Variants in SPTBN2 observed in about 807,000 individuals in gnomAD.
The protein encoded by SPTBN2 is spectrin beta chain, non-erythrocytic 2.
In SPTBN2, 107 loss-of-function variants were observed where a neutral mutation model predicts 284.2. The observed-to-expected ratio is 0.38, with a 90% CI of 0.32 to 0.44. The LOEUF is 0.44. SPTBN2 is among the 20% of genes least tolerant of loss of function. The pLI is 1.00. For missense variants in SPTBN2, 2,569 were observed against 3,287.1 expected, an observed-to-expected ratio of 0.78 and a Z score of 5.34; for synonymous variants, 1,289 against 1,354.8, an observed-to-expected ratio of 0.95 and a Z score of 1.07.
In SPTBN2 at chr11:66,691,505, C is replaced by A. The variant is rs755038046; in HGVS notation, c.5344G>T (p.Ala1782Ser). Reference sequence around the variant, plus strand: ...AGCAGCTCAAGCAGGTCAGCCCAGGCCTCGTTGAGACTGTCCTTCCACTCG... The same window carrying A: ...AGCAGCTCAAGCAGGTCAGCCCAGGACTCGTTGAGACTGTCCTTCCACTCG... ...VAEWKDSLNE[A>S]WADLLELLDT... is the part of the protein sequence containing the mutation. The change falls in exon 27 of 38, where the codon GCC (alanine) becomes TCC (serine). Residue 1782 changes from alanine to serine, a missense_variant. Physicochemically the swap from Ala to Ser is moderately conservative, Grantham distance 99. Transcript: ENST00000533211. This position sits in a 1 kb window ranked among gnomAD's most constrained non-coding sequence, Gnocchi z 8.0. The A allele has an allele frequency of 1.2e-6, 2 of 1,612,414 alleles. No individual in the cohort carries two copies. The highest frequency in any genetic ancestry group is 1.3e-5 in the African/African-American group (1 of 75,082).
chr11:66,688,991 C>T (rs868027686), intron 30 of SPTBN2, 105 bp downstream of exon 30: 26 of 1,456,372 alleles, frequency 1.8e-5, no homozygotes, highest in Admixed American at 3.9e-5. Flanking sequence ...GATTGGGCAT[C>T]GTGAGTTTCA....
chr11:66,717,389 C>T (rs1368407397), intron 3 of SPTBN2, among the ~76,000 whole-genome samples: 1 of 152,132 alleles, frequency 6.6e-6, no homozygotes, highest in African/African-American at 2.4e-5. Flanking sequence ...GTCACTTTTG[C>T]TTCCGTCTCA....
intron 3 of SPTBN2, 120 bp downstream of exon 3, chr11:66,720,964 G>GC: frequency 7.4e-7 from 1 of 1,352,020 alleles, no homozygotes; most frequent in Middle Eastern, 1.8e-4. Context: ...TTGATAGAGT[G>GC]CTCTGGGTCT....
rs200029341 is a variant in SPTBN2, at chr11:66,715,408, G to A, written c.310-13C>T. The A allele has an allele frequency of 2.3e-5, 37 of 1,606,056 alleles. No homozygotes were observed. Among genetic ancestry groups the A allele is most frequent in the South Asian group, 4.4e-5 (4 of 90,412 alleles). ...TTGTAGGCTTTGGCTGTGGAGGGAC[G>A]GGGGCAAAATGGCACGGGACTGTGG... On this transcript the variant is annotated splice_polypyrimidine_tract_variant and intron_variant, in intron 4 of 37. Coordinates refer to ENST00000533211, the MANE Select transcript of SPTBN2 (RefSeq NM_006946.4). This position sits in a 1 kb window ranked among gnomAD's most constrained non-coding sequence, Gnocchi z 5.3.
chr11:66,713,942 C>T lies in SPTBN2; in HGVS notation c.656+149G>A, dbSNP rs1013727726. 6.5e-6 allele frequency: 6 copies of T among 921,126 alleles called. No homozygotes were observed. In the African/African-American group the frequency reaches 9.8e-5, roughly 15 times the overall value. 57.1% of individuals were successfully genotyped at this position (921,126 alleles called of 1,614,324 possible). On this transcript the variant is annotated intron_variant, in intron 7 of 37. Transcript: ENST00000533211. ...TCCCATCACAAGTGCTCTGCGCAGC[C>T]CTGCACCCCCATGTTCTGGTTCTGC...
At chr11:66,694,777 G>A (rs1940812180) in intron 21 of SPTBN2, among the ~76,000 whole-genome samples, 1 of 152,206 alleles carries the variant, frequency 6.6e-6, no homozygotes, top group Non-Finnish European at 1.5e-5. Context: ...TGAGACACTG[G>A]AACTGGCCCC....
intron 1 of SPTBN2, chr11:66,728,439 C>T (rs1942719356): frequency 6.6e-6 from 1 of 150,458 alleles, no homozygotes; most frequent in African/African-American, 2.4e-5. Flanking sequence ...CGCCGGCTCC[C>T]GCGGGAGGCC....
intron 3 of SPTBN2, 121 bp from the exon 4 acceptor site, chr11:66,716,102 A>T: frequency 7.6e-7 from 1 of 1,317,472 alleles, no homozygotes. Flanking sequence ...TCCTCTAAGG[A>T]GGAGGAAGGG....
chr11:66,724,105 G>T (rs1350980057), intron 1 of SPTBN2, among the ~76,000 whole-genome samples: 1 of 152,166 alleles, frequency 6.6e-6, no homozygotes, highest in Admixed American at 6.5e-5. Flanking sequence ...TGTTTTGCTG[G>T]GCCAATAAGC....
chr11:66,721,205 G>C lies in SPTBN2; in HGVS notation c.36C>G (p.Ser12Arg). Residue 12 changes from serine to arginine, a missense_variant, in exon 3 of 38, where the codon AGC becomes AGG. By Grantham distance (110) the Ser-to-Arg change is moderately radical. Coordinates refer to ENST00000533211, the MANE Select transcript of SPTBN2 (RefSeq NM_006946.4). ...SSTLSPTDFD[S>R]LEIQGQYSDI... Reference sequence around the variant, plus strand: ...CACTGTACTGGCCCTGGATTTCCAAGCTGTCAAAGTCTGTGGGTGACAGCG... The same window carrying C: ...CACTGTACTGGCCCTGGATTTCCAACCTGTCAAAGTCTGTGGGTGACAGCG... The C allele has an allele frequency of 6.2e-7, 1 of 1,614,166 alleles. No individual in the cohort carries two copies. Among genetic ancestry groups the C allele is most frequent in the Non-Finnish European group, 8.5e-7 (1 of 1,180,036 alleles).
Position 66,713,692 on chromosome 11 carries a change from C to T in SPTBN2, c.711G>A (p.Leu237=). The change falls in exon 8 of 38, where the codon CTG becomes CTA. Residue 237 remains leucine (L), a synonymous_variant. Coordinates refer to ENST00000533211, the MANE Select transcript of SPTBN2 (RefSeq NM_006946.4). ...TTTCAGCCAGATTGAATGCATTCTG[C>T]AGATTATAGTGTGCATTACACTTCT... The part of the protein sequence containing the change: ...SLKKCNAHYN[L]QNAFNLAEKE... The T allele has an allele frequency of 1.9e-6, 3 of 1,614,136 alleles. No homozygotes were observed. Among genetic ancestry groups the T allele is most frequent in the Non-Finnish European group, 1.7e-6 (2 of 1,180,042 alleles).
intron 1 of SPTBN2, among the ~76,000 whole-genome samples, chr11:66,743,601 G>T (rs1337895105): frequency 6.6e-6 from 1 of 152,194 alleles, no homozygotes; most frequent in Non-Finnish European, 1.5e-5. Flanking sequence ...CCCGGAACCT[G>T]GCAGAGAGCA....
rs1407775994 is a variant in SPTBN2 at position 66,688,829 on chromosome 11, C to A, written c.6055G>T (p.Gly2019Ter). The change falls in exon 31 of 38, where the codon GGA (glycine) becomes TGA (stop). Residue 2019 changes from glycine (G) to a stop codon, truncating the protein, a stop_gained. Coordinates refer to ENST00000533211, the MANE Select transcript of SPTBN2 (RefSeq NM_006946.4). LOFTEE classifies it high-confidence loss of function. ...GCCTCTGCCATCCCTGCATCTCTTC[C>A]AAACACAAGCACCTCCAAAACTGGC... ...LQLVLEVLVF[G>*]RDAGMAEAWL... The A allele has an allele frequency of 6.2e-7, 1 of 1,612,120 alleles. No homozygotes were observed. Among genetic ancestry groups the A allele is most frequent in the East Asian group, 2.2e-5 (1 of 44,852 alleles).
upstream of SPTBN2, among the ~76,000 whole-genome samples, chr11:66,729,956 C>T (rs554271985): frequency 6.6e-6 from 1 of 152,264 alleles, no homozygotes; most frequent in African/African-American, 2.4e-5. Flanking sequence ...TGCATGCCAC[C>T]ATGCCCGACT....
chr11:66,733,736 T>A (rs1942831231), upstream of SPTBN2, among the ~76,000 whole-genome samples: 1 of 152,170 alleles, frequency 6.6e-6, no homozygotes, highest in South Asian at 2.1e-4. Context: ...CAACAGAACT[T>A]CCACTCTAAA....
chr11:66,734,569 G>C (rs1387745816), intron 1 of SPTBN2, among the ~76,000 whole-genome samples: 2 of 152,110 alleles, frequency 1.3e-5, no homozygotes, highest in Non-Finnish European at 2.9e-5. Context: ...TCATCCTTCA[G>C]GTATCAATTT....
chr11:66,703,049 G>A (rs1337480064), intron 15 of SPTBN2, among the ~76,000 whole-genome samples: 5 of 150,140 alleles, frequency 3.3e-5, no homozygotes, highest in African/African-American at 1.2e-4. Context: ...AGGATACCTT[G>A]AAAACTAAAA....
Position 66,688,723 on chromosome 11 carries a change from C to G in SPTBN2, c.6161G>C (p.Arg2054Pro). The G allele has an allele frequency of 6.2e-7, 1 of 1,613,858 alleles. No individual in the cohort carries two copies. Among genetic ancestry groups the G allele is most frequent in the Non-Finnish European group, 8.5e-7 (1 of 1,180,034 alleles). Reference sequence around the variant, plus strand: ...TGCTGACTTCTGGAAGGCCTCGTGCCGCTTGATGAGGCTCTCAACTTCGTC... The same window carrying G: ...TGCTGACTTCTGGAAGGCCTCGTGCGGCTTGATGAGGCTCTCAACTTCGTC... ...TVDEVESLIK[R>P]HEAFQKSAVA... Residue 2054 changes from arginine to proline, a missense_variant, in exon 31 of 38, where the codon CGG becomes CCG. By Grantham distance (103) the Arg-to-Pro change is moderately radical. This residue lies in a region of SPTBN2 where 1,130 missense variants were observed against 1,317.3 expected (regional missense o/e 0.86). Coordinates refer to ENST00000533211, the MANE Select transcript of SPTBN2 (RefSeq NM_006946.4).
intron 36 of SPTBN2, 127 bp downstream of exon 36, chr11:66,686,867 G>A: frequency 7.8e-7 from 1 of 1,274,972 alleles, no homozygotes; most frequent in Admixed American, 1.7e-5. Context: ...CTATCCCCAA[G>A]TGGCTGGCCT....
Sources: allele counts gnomAD v4.1 joint callset (sites outside exome capture counted in the v4.1 genomes callset), GRCh38; gene constraint gnomAD v4.1.1; regional missense constraint gnomAD v4.1.1; non-coding constraint Gnocchi (gnomAD v3.1); transcripts MANE v1.5; gene names NCBI Gene and HGNC (gene_info 2026-07-23, HGNC 2026-07-21).